The following NCOA2 variants were observed in gnomAD, a reference collection of about 807,000 sequenced individuals.
The protein encoded by NCOA2 is nuclear receptor coactivator 2, also known as class E basic helix-loop-helix protein 75.
NCOA2 carries 21 observed loss-of-function variants against 145.1 expected under a neutral mutation model. That is an observed-to-expected ratio of 0.14 (90% CI 0.10 to 0.21). NCOA2 has a LOEUF of 0.21. NCOA2 is among the 10% of genes least tolerant of loss of function. NCOA2 has a pLI of 1.00. For missense variants in NCOA2, 1,472 were observed against 1,837.6 expected, an observed-to-expected ratio of 0.80 and a Z score of 3.64; for synonymous variants, 619 against 637.5, an observed-to-expected ratio of 0.97 and a Z score of 0.44.
At chr8:70,198,670 A>G (rs182921405) in intron 4 of NCOA2, among the ~76,000 whole-genome samples, 8 of 152,326 alleles carry the variant, frequency 5.3e-5, no homozygotes, top group Middle Eastern at 3.4e-3. Flanking sequence ...TGAGGAACTG[A>G]CAGAGCTGAC....
chr8:70,185,831 T>G (rs1816007342), intron 4 of NCOA2, among the ~76,000 whole-genome samples: 1 of 152,162 alleles, frequency 6.6e-6, no homozygotes, highest in African/African-American at 2.4e-5. Context: ...TGAGAATAGG[T>G]CTGTCTAGTC....
chr8:70,358,422 A>C (rs1809928077), intron 1 of NCOA2, among the ~76,000 whole-genome samples: 1 of 152,242 alleles, frequency 6.6e-6, no homozygotes, highest in South Asian at 2.1e-4. Context: ...CCATATAAAA[A>C]TCAGCGGAAT....
At chr8:70,128,134 G>A (rs1302919039) in intron 18 of NCOA2, among the ~76,000 whole-genome samples, 1 of 152,212 alleles carries the variant, frequency 6.6e-6, no homozygotes, top group Non-Finnish European at 1.5e-5. Context: ...GAGGTCTGCA[G>A]GAACCCAACC....
chr8:70,216,934 T>G (rs1458079336), intron 2 of NCOA2, among the ~76,000 whole-genome samples, 170 bp from the exon 3 acceptor site: 1 of 152,210 alleles, frequency 6.6e-6, no homozygotes, highest in Non-Finnish European at 1.5e-5. Flanking sequence ...GCCGTCTCTT[T>G]AAAAAAATCT....
At chr8:70,397,549 A>G (rs1376142569) in intron 1 of NCOA2, among the ~76,000 whole-genome samples, 1 of 152,132 alleles carries the variant, frequency 6.6e-6, no homozygotes, top group Non-Finnish European at 1.5e-5. Flanking sequence ...TGCACTCAGG[A>G]GCATTCCATC....
intron 1 of NCOA2, among the ~76,000 whole-genome samples, chr8:70,368,599 A>G (rs2131194388): frequency 1.3e-5 from 2 of 152,356 alleles, no homozygotes; most frequent in East Asian, 3.8e-4. Context: ...TTTTTCTTAT[A>G]AAACAGCTTA....
At chr8:70,249,525 T>C (rs1203746408) in intron 2 of NCOA2, among the ~76,000 whole-genome samples, 1 of 152,160 alleles carries the variant, frequency 6.6e-6, no homozygotes, top group Non-Finnish European at 1.5e-5. Flanking sequence ...TTTATACTAC[T>C]GTATTGTTAT....
chr8:70,279,556 C>T lies in NCOA2; in HGVS notation c.-20+17188G>A, dbSNP rs80198947. 4.8e-3 allele frequency among the ~76,000 whole-genome samples: 731 copies of T among 152,322 alleles called. 5 individuals are homozygous for T. The highest frequency in any genetic ancestry group is 8.1e-3 in the Non-Finnish European group (553 of 68,026). ...CCCCTCTACAACACATGCAAGCAAC[C>T]CTCCCCTGTCAGGTCACATGGTTCA... On this transcript the variant is annotated intron_variant, in intron 2 of 22. Transcript: ENST00000452400.
rs772623123 is a variant in NCOA2 at position 70,141,205 on chromosome 8, G to T, written c.3007C>A (p.Gln1003Lys). The T allele has an allele frequency of 6.2e-7, 1 of 1,613,686 alleles. No homozygotes were observed. Among genetic ancestry groups the T allele is most frequent in the Non-Finnish European group, 8.5e-7 (1 of 1,179,814 alleles). ...SSQPGQRQTL[Q>K]SQVMNIGPSE... ...TTACCTATATTCATGACCTGAGACT[G>T]AAGCGTCTGTCTTTGGCCAGGCTGG... The change falls in exon 14 of 23, where the codon CAG becomes AAG. Residue 1003 changes from glutamine (Q) to lysine (K), a missense_variant. Transcript: ENST00000452400.
chr8:70,415,752 A>G, the NCOA2 span, among the ~76,000 whole-genome samples: 1 of 152,164 alleles, frequency 6.6e-6, no homozygotes. Context: ...ACCTAAGTGT[A>G]TTTTATCTAC....
intron 1 of NCOA2, among the ~76,000 whole-genome samples, chr8:70,331,641 C>A (rs748383809): frequency 6.6e-6 from 1 of 151,944 alleles, no homozygotes; most frequent in Non-Finnish European, 1.5e-5. Context: ...AAACTGCATA[C>A]GACCAGAGAA....
intron 1 of NCOA2, among the ~76,000 whole-genome samples, chr8:70,374,194 G>A (rs887964402): frequency 7.2e-5 from 11 of 152,100 alleles, no homozygotes; most frequent in African/African-American, 1.9e-4. Context: ...TGCACTGGTC[G>A]GGTGTGGTGG....
intron 4 of NCOA2, among the ~76,000 whole-genome samples, chr8:70,179,328 G>A (rs1411603294): frequency 6.6e-6 from 1 of 152,084 alleles, no homozygotes; most frequent in Non-Finnish European, 1.5e-5. Context: ...AAATTAAAGT[G>A]GCCCTAAATT....
At chr8:70,197,937 T>C (rs1023211638) in intron 4 of NCOA2, among the ~76,000 whole-genome samples, 1 of 151,954 alleles carries the variant, frequency 6.6e-6, no homozygotes, top group Admixed American at 6.6e-5. Flanking sequence ...TAGCTAGAAC[T>C]ACAGGCACAC....
At chr8:70,259,704 C>A (rs368534509) in intron 2 of NCOA2, among the ~76,000 whole-genome samples, 5 of 152,150 alleles carry the variant, frequency 3.3e-5, no homozygotes, top group Non-Finnish European at 1.5e-5. Flanking sequence ...AGACACTTAA[C>A]CTCAAACTTC....
intron 11 of NCOA2, among the ~76,000 whole-genome samples, chr8:70,154,565 T>C (rs577670818): frequency 6.6e-6 from 1 of 152,190 alleles, no homozygotes; most frequent in East Asian, 1.9e-4. Flanking sequence ...CCACCACACC[T>C]AGCTAATTTT....
the NCOA2 span, among the ~76,000 whole-genome samples, chr8:70,439,776 C>A: frequency 6.6e-6 from 1 of 152,126 alleles, no homozygotes; most frequent in Non-Finnish European, 1.5e-5. Context: ...CAAGGTGGAG[C>A]CTTCTGGATC....
intron 1 of NCOA2, among the ~76,000 whole-genome samples, chr8:70,391,955 G>C (rs1225076173): frequency 1.3e-5 from 2 of 152,192 alleles, no homozygotes; most frequent in African/African-American, 4.8e-5. Flanking sequence ...TATGGATGAA[G>C]AATCATATCT....
the NCOA2 span, among the ~76,000 whole-genome samples, chr8:70,415,186 T>A: frequency 2.0e-5 from 3 of 151,858 alleles, no homozygotes; most frequent in South Asian, 2.1e-4. Flanking sequence ...TTTTTTTTTT[T>A]AATTAGCTAA....
Sources: gnomAD v4.1 joint callset for allele counts (sites outside exome capture counted in the v4.1 genomes callset) on GRCh38, gnomAD v4.1.1 for gene constraint, MANE v1.5 for transcripts, NCBI Gene and HGNC (gene_info 2026-07-23, HGNC 2026-07-21) for gene names.